Variants in MFSD8 observed in about 807,000 individuals in gnomAD.
The protein encoded by MFSD8 is major facilitator superfamily domain-containing protein 8.
A neutral mutation model predicts 66.4 loss-of-function variants in MFSD8; 55 were observed. The observed-to-expected ratio is 0.83, with a 90% CI of 0.67 to 1.04. MFSD8 has a LOEUF of 1.04. MFSD8 is among the 50% of genes least tolerant of loss of function. The pLI is 0.00. For synonymous variants in MFSD8, 202 were observed against 212.8 expected, an observed-to-expected ratio of 0.95 and a Z score of 0.44; for missense variants, 550 against 627.6, an observed-to-expected ratio of 0.88 and a Z score of 1.32.
At chr4:127,950,456 G>A (rs1741749332) in intron 2 of MFSD8, among the ~76,000 whole-genome samples, 1 of 152,224 alleles carries the variant, frequency 6.6e-6, no homozygotes, top group African/African-American at 2.4e-5. Context: ...TTGGGAGGCT[G>A]AGGCAGGCAG....
At position 127,962,108 on chromosome 4, in the gene MFSD8, C is replaced by T. The variant is rs891000197; in HGVS notation, c.62+2964G>A. On this transcript the variant is annotated intron_variant, in intron 1 of 11. Transcript: ENST00000641686. ...CAAAAACATGATGCAGAACAGTCTG[C>T]GAGGAAAACAGTCTGTCAGAAAAAC... Among the ~76,000 whole-genome samples the T allele has an allele frequency of 2.6e-5, 4 of 152,180 alleles. No homozygotes were observed. The East Asian group carries it at 7.7e-4, about 29-fold the overall frequency.
intron 3 of MFSD8, among the ~76,000 whole-genome samples, chr4:127,944,900 T>A (rs959822): frequency 2.0e-5 from 3 of 151,932 alleles, no homozygotes; most frequent in Admixed American, 1.3e-4. Context: ...CCTCCAACTC[T>A]CAAAGCAATC....
intron 3 of MFSD8, among the ~76,000 whole-genome samples, chr4:127,946,995 G>A (rs1741145091): frequency 6.6e-6 from 1 of 151,846 alleles, no homozygotes; most frequent in African/African-American, 2.4e-5. Flanking sequence ...TAAACTCTCT[G>A]TAAATACAGT....
chr4:127,943,901 C>A lies in MFSD8; in HGVS notation c.290G>T (p.Trp97Leu). The A allele has an allele frequency of 1.2e-6, 2 of 1,614,068 alleles. No homozygotes were observed. The highest frequency in any genetic ancestry group is 2.2e-5 in the South Asian group (2 of 91,078). The part of the protein sequence containing the change: ...QMVASPIFGL[W>L]SNYRPRKEPL... ...CTCTTTTCTTGGTCTATAATTAGACCATAAACCAAATATAGGTGAAGCTAC... is the reference window on the plus strand; with the variant it reads ...CTCTTTTCTTGGTCTATAATTAGACAATAAACCAAATATAGGTGAAGCTAC... The change falls in exon 4 of 12, where the codon TGG (tryptophan) becomes TTG (leucine). Residue 97 changes from tryptophan to leucine, a missense_variant. Trp to Leu is a moderately conservative substitution (Grantham distance 61, BLOSUM62 -2). Transcript: ENST00000641686.
chr4:127,924,761 C>T (rs964979441), intron 9 of MFSD8, among the ~76,000 whole-genome samples: 2 of 152,112 alleles, frequency 1.3e-5, no homozygotes, highest in African/African-American at 4.8e-5. Flanking sequence ...CATACGGAAC[C>T]AAAACAGAGC....
chr4:127,936,169 C>T (rs1423568589), intron 7 of MFSD8, among the ~76,000 whole-genome samples: 1 of 151,658 alleles, frequency 6.6e-6, no homozygotes, highest in African/African-American at 2.4e-5. Flanking sequence ...GGCTGGAGTA[C>T]GTGGCGTGAT....
intron 1 of MFSD8, among the ~76,000 whole-genome samples, chr4:127,964,406 G>T (rs1744566975): frequency 6.6e-6 from 1 of 152,236 alleles, no homozygotes; most frequent in South Asian, 2.1e-4. Flanking sequence ...AAGGCCCGGC[G>T]AGAAATCGAG....
intron 7 of MFSD8, among the ~76,000 whole-genome samples, chr4:127,935,384 T>C (rs1738892948): frequency 6.6e-6 from 1 of 152,202 alleles, no homozygotes; most frequent in Non-Finnish European, 1.5e-5. Flanking sequence ...CTCAGAAATG[T>C]TGCATCCTAG....
chr4:127,965,832 C>G (rs185655497), upstream of MFSD8: 212 of 154,356 alleles, frequency 1.4e-3, 1 homozygote, highest in Admixed American at 0.013. Flanking sequence ...TCCCTTCCCC[C>G]CGTGAAAGGT....
chr4:127,946,563 T>C (rs1224282725), intron 3 of MFSD8, among the ~76,000 whole-genome samples: 7 of 152,180 alleles, frequency 4.6e-5, no homozygotes, highest in African/African-American at 1.7e-4. Flanking sequence ...TTGTATTTCT[T>C]TTCTTCTTAT....
In MFSD8 at chr4:127,921,957, G is replaced by T. The variant is rs772735057; in HGVS notation, c.1005C>A (p.Gly335=). The T allele has an allele frequency of 1.4e-5, 23 of 1,613,290 alleles. 1 individual carries two copies. Among genetic ancestry groups the T allele is most frequent in the Non-Finnish European group, 1.9e-5 (23 of 1,179,530 alleles). ...LGVKLLSKKI[G]ERAILLGGLI... ...GTCCTCCCAGTAGAATAGCACGCTCGCCAATCCTGTTAAAGAACAGAAACT... is the reference window on the plus strand; with the variant it reads ...GTCCTCCCAGTAGAATAGCACGCTCTCCAATCCTGTTAAAGAACAGAAACT... The change falls in exon 10 of 12, where the codon GGC becomes GGA. Residue 335 remains glycine, a synonymous_variant. Coordinates refer to ENST00000641686, the MANE Select transcript of MFSD8 (RefSeq NM_001371596.2).
chr4:127,947,435 G>C (rs1021081762), intron 3 of MFSD8, among the ~76,000 whole-genome samples: 2 of 151,706 alleles, frequency 1.3e-5, no homozygotes, highest in Admixed American at 1.3e-4. Context: ...AAAATTAGCC[G>C]GGTGTGGTAG....
Position 127,918,183 on chromosome 4 carries a change from A to G in MFSD8, c.*2447T>C, listed in dbSNP as rs1184807654. On this transcript the variant is annotated 3_prime_UTR_variant, in exon 12 of 12. Transcript: ENST00000641686. ...TTAAATATGTACTACTCTTAACAAT[A>G]TATCATACCTTAAAATCTCCTGTTG... 3.3e-5 allele frequency: 5 copies of G among 152,216 alleles called. No individual in the cohort carries two copies. Among genetic ancestry groups the G allele is most frequent in the Non-Finnish European group, 7.3e-5 (5 of 68,034 alleles). 9.4% of individuals were successfully genotyped at this position (152,216 alleles called of 1,614,324 possible). A position where few individuals can be genotyped will look rare whatever the true frequency, so the allele number is the denominator to read the frequency against.
chr4:127,957,406 G>C (rs1743068673), intron 2 of MFSD8, 95 bp downstream of exon 2: 2 of 922,012 alleles, frequency 2.2e-6, no homozygotes, highest in Non-Finnish European at 3.5e-6. Context: ...GCACAATAAA[G>C]ATAATTTCAG....
At chr4:127,945,307 AT>A (rs1472469114) in intron 3 of MFSD8, 8 of 151,894 alleles carry the variant, frequency 5.3e-5, no homozygotes, top group Non-Finnish European at 7.4e-5. Flanking sequence ...TTATTTATTT[AT>A]TTTATTTTAT....
chr4:127,965,326 TGTGTCCTCAGCCTC>T (rs1744918510), upstream of MFSD8: 4 of 680,606 alleles, frequency 5.9e-6, no homozygotes, highest in Non-Finnish European at 5.2e-6. Context: ...GAAAGGAGGC[TGTGTCCTCAGCCTC>T]CTCCCTCGGC....
At chr4:127,957,236 G>T (rs992697980) in intron 2 of MFSD8, among the ~76,000 whole-genome samples, 3 of 152,126 alleles carry the variant, frequency 2.0e-5, no homozygotes, top group Non-Finnish European at 4.4e-5. Flanking sequence ...GTTTGCTAGG[G>T]CTTGGGGGAT....
chr4:127,945,556 C>A (rs1232073925), intron 3 of MFSD8: 1 of 152,088 alleles, frequency 6.6e-6, no homozygotes, highest in Non-Finnish European at 1.5e-5. Context: ...TAACTCCTGA[C>A]CTCAGGTGAG....
chr4:127,952,684 A>G (rs565521104), intron 2 of MFSD8, among the ~76,000 whole-genome samples: 9 of 152,204 alleles, frequency 5.9e-5, no homozygotes, highest in African/African-American at 2.2e-4. Context: ...AGCAATGGCA[A>G]CATGGTGAAA....
Sources: gnomAD v4.1 joint callset for allele counts (sites outside exome capture counted in the v4.1 genomes callset) on GRCh38, gnomAD v4.1.1 for gene constraint, MANE v1.5 for transcripts, NCBI Gene and HGNC (gene_info 2026-07-23, HGNC 2026-07-21) for gene names.